Variants in BCAS1 observed in about 807,000 individuals in gnomAD.
BCAS1 encodes breast carcinoma-amplified sequence 1.
BCAS1 carries 46 observed loss-of-function variants against 65.4 expected under a neutral mutation model. The observed-to-expected ratio is 0.70, with a 90% confidence interval of 0.55 to 0.90. The LOEUF is 0.90. Among genes scored for constraint, BCAS1 ranks in the 40% least tolerant of loss-of-function variants. The pLI is 0.00. For synonymous variants in BCAS1, 298 were observed against 293.5 expected (o/e 1.02, Z -0.16); for missense variants, 793 against 771.2 (o/e 1.03, Z -0.33).
intron 1 of BCAS1, among the ~76,000 whole-genome samples, chr20:54,067,151 G>A (rs897472609): frequency 1.1e-4 from 17 of 152,140 alleles, no homozygotes; most frequent in African/African-American, 4.1e-4. Flanking sequence ...GAGGTGGGTG[G>A]ATCACTTGAG....
At chr20:53,953,822 G>T in intron 11 of BCAS1, 127 bp from the exon 12 acceptor site, 1 of 1,129,202 alleles carries the variant, frequency 8.9e-7, no homozygotes, top group Non-Finnish European at 1.2e-6. Flanking sequence ...TGAATCCTAG[G>T]TGAAATGAAT....
At position 53,995,039 on chromosome 20, in the gene BCAS1, A is replaced by G; in HGVS notation, c.900T>C (p.Ala300=). Residue 300 remains alanine (A), a synonymous_variant, in exon 6 of 13, where the codon GCT becomes GCC. Transcript: ENST00000688948. ...FFKTLVSPNK[A]ETKKDPEDTA... ...TGTCTTCTGGGTCCTTTTTTGTTTC[A>G]GCTTTGTTAGGTGAAACCTTAAAAG... 1 of 1,613,318 alleles carries G rather than the reference A, an allele frequency of 6.2e-7. No individual in the cohort carries two copies. Among genetic ancestry groups the G allele is most frequent in the Non-Finnish European group, 8.5e-7 (1 of 1,179,570 alleles).
intron 2 of BCAS1, 25 bp downstream of exon 2, chr20:54,058,622 G>C (rs1357767458): frequency 1.7e-6 from 2 of 1,199,134 alleles, no homozygotes; most frequent in Admixed American, 5.7e-5. Context: ...TTCTGCTGAT[G>C]CCCCTGTAAT....
At position 54,058,012 on chromosome 20, in the gene BCAS1, TTC is replaced by T; in HGVS notation, c.142+71_142+72del. 1.5e-5 allele frequency: 16 copies of T among 1,097,474 alleles called. No homozygotes were observed. In the East Asian group the frequency reaches 3.3e-4, roughly 22 times the overall value. The allele number at this position is 1,097,474 out of a possible 1,614,324, so 68.0% of individuals were successfully genotyped here. A position where few individuals can be genotyped will look rare whatever the true frequency, so the allele number is the denominator to read the frequency against. On this transcript the variant is annotated intron_variant, in intron 3 of 12. Transcript: ENST00000688948. ...TCGACCCTTTCATTTTTTTTTTTTT[TTC>T]ACCGTAAACAGCATCTGCAGACCCC...
At chr20:53,995,157 C>T in intron 5 of BCAS1, 101 bp from the exon 6 acceptor site, 1 of 966,336 alleles carries the variant, frequency 1.0e-6, no homozygotes, top group Non-Finnish European at 1.6e-6. Flanking sequence ...GTTCACCATA[C>T]AGGTCAAGAA....
chr20:53,995,221 C>T (rs936912814), intron 5 of BCAS1, among the ~76,000 whole-genome samples, 165 bp from the exon 6 acceptor site: 6 of 152,154 alleles, frequency 3.9e-5, no homozygotes, highest in Admixed American at 3.9e-4. Context: ...CCGGGTAATA[C>T]AAAAGTTAAC....
At chr20:54,044,111 C>T (rs1469332832) in intron 3 of BCAS1, among the ~76,000 whole-genome samples, 3 of 152,122 alleles carry the variant, frequency 2.0e-5, no homozygotes, top group Admixed American at 1.3e-4. Flanking sequence ...AAAAAAATGT[C>T]CACTCTAGGA....
intron 8 of BCAS1, among the ~76,000 whole-genome samples, chr20:53,981,821 CGTGTGT>C (rs3831644): frequency 6.1e-4 from 91 of 150,270 alleles, no homozygotes; most frequent in African/African-American, 2.1e-3. Flanking sequence ...CATGTGCGTG[CGTGTGT>C]GTGTGTGTGT....
intron 9 of BCAS1, among the ~76,000 whole-genome samples, chr20:53,968,018 CTTTTAA>C (rs1180835105): frequency 1.3e-5 from 2 of 152,146 alleles, no homozygotes; most frequent in South Asian, 4.1e-4. Flanking sequence ...TAGTCTTTAC[CTTTTAA>C]TTTTATTTAT....
At chr20:54,049,774 G>GT (rs2092178020) in intron 3 of BCAS1, among the ~76,000 whole-genome samples, 1 of 152,134 alleles carries the variant, frequency 6.6e-6, no homozygotes, top group Non-Finnish European at 1.5e-5. Context: ...GCCAGCTGCT[G>GT]TTTTTAGAGC....
chr20:54,012,467 TAAA>T (rs11343372), intron 4 of BCAS1, among the ~76,000 whole-genome samples: 7 of 108,138 alleles, frequency 6.5e-5, no homozygotes, highest in African/African-American at 1.3e-4. Flanking sequence ...AGTTAAAAAG[TAAA>T]AAAAAAAAAA....
intron 3 of BCAS1, among the ~76,000 whole-genome samples, chr20:54,041,145 A>G (rs1456712186): frequency 6.6e-6 from 1 of 151,376 alleles, no homozygotes; most frequent in Non-Finnish European, 1.5e-5. Context: ...TAGAGGCAGA[A>G]AACAGATTAG....
At chr20:53,983,025 A>G (rs2090520512) in intron 8 of BCAS1, among the ~76,000 whole-genome samples, 1 of 152,246 alleles carries the variant, frequency 6.6e-6, no homozygotes, top group Non-Finnish European at 1.5e-5. Context: ...AAAGCTAAAT[A>G]GTGGCTCAAA....
At chr20:53,996,174 C>A in intron 4 of BCAS1, 124 bp from the exon 5 acceptor site, 1 of 956,464 alleles carries the variant, frequency 1.0e-6, no homozygotes, top group African/African-American at 1.6e-5. Context: ...TGCCCACAGG[C>A]GTGCAGAACA....
chr20:53,954,761 C>T (rs941753242), intron 11 of BCAS1, among the ~76,000 whole-genome samples: 18 of 152,098 alleles, frequency 1.2e-4, no homozygotes, highest in Admixed American at 1.0e-3. Context: ...ATAAGAAAAG[C>T]ACCAGTTCAA....
At chr20:54,045,818 T>C (rs139755276) in intron 3 of BCAS1, among the ~76,000 whole-genome samples, 4 of 152,370 alleles carry the variant, frequency 2.6e-5, no homozygotes, top group Admixed American at 1.3e-4. Flanking sequence ...ACTAATTCCC[T>C]TTTGGTTTTC....
intron 4 of BCAS1, among the ~76,000 whole-genome samples, chr20:53,997,035 T>C (rs1225840646): frequency 2.0e-5 from 3 of 152,360 alleles, no homozygotes; most frequent in Non-Finnish European, 4.4e-5. Flanking sequence ...CTTAAGGTCA[T>C]AAGTGTCATC....
intron 11 of BCAS1, among the ~76,000 whole-genome samples, chr20:53,955,742 C>T (rs921300625): frequency 2.0e-5 from 3 of 152,068 alleles, no homozygotes; most frequent in African/African-American, 7.2e-5. Flanking sequence ...ATCCAAGGCT[C>T]CGGAAAATAA....
At chr20:54,044,598 G>A (rs185066137) in intron 3 of BCAS1, among the ~76,000 whole-genome samples, 1,596 of 152,282 alleles carry the variant, frequency 0.01, 22 homozygotes, top group South Asian at 0.025. Flanking sequence ...AGCACTTTGG[G>A]AGGCCAAGGT....
Sources: allele counts gnomAD v4.1 joint callset (sites outside exome capture counted in the v4.1 genomes callset), GRCh38; gene constraint gnomAD v4.1.1; transcripts MANE v1.5; gene names NCBI Gene and HGNC (gene_info 2026-07-23, HGNC 2026-07-21).